TNRC18: variants seen among roughly 807,000 people sequenced by gnomAD.
TNRC18 encodes the protein trinucleotide repeat containing 18.
Under a neutral mutation model 226.7 loss-of-function variants are expected in TNRC18, and 69 were observed. The ratio of observed to expected loss-of-function variants is 0.30; its 90% CI spans 0.25 to 0.37. The LOEUF is 0.37. Ranked by LOEUF, TNRC18 falls within the 10% of genes least tolerant of loss-of-function variation. TNRC18 has a pLI of 1.00. For synonymous variants in TNRC18, 2,449 were observed against 1,927.6 expected (o/e 1.27, Z -7.09); for missense variants, 4,754 against 4,256.6 (o/e 1.12, Z -3.25).
In TNRC18 at chr7:5,309,406, C is replaced by A. The variant is rs1356746455; in HGVS notation, c.8389-38G>T. ...GTGTGTCACGGCACAGGCCCTGGCC[C>A]AGCCCCAAGGAGCCCGCCGCCTGGC... On this transcript the variant is annotated intron_variant, in intron 27 of 29. Coordinates refer to ENST00000430969, the MANE Select transcript of TNRC18 (RefSeq NM_001080495.3). This position sits in a 1 kb window ranked among gnomAD's most constrained non-coding sequence, Gnocchi z 5.7. 1 of 1,559,848 alleles carries A rather than the reference C, an allele frequency of 6.4e-7. No individual in the cohort carries two copies. Among genetic ancestry groups the A allele is most frequent in the Non-Finnish European group, 8.7e-7 (1 of 1,150,608 alleles).
intron 11 of TNRC18, among the ~76,000 whole-genome samples, chr7:5,369,106 G>C (rs1338426057): frequency 6.6e-6 from 1 of 152,158 alleles, no homozygotes; most frequent in Admixed American, 6.5e-5. Context: ...CCAGCACTTT[G>C]GGAGGCCAAG....
chr7:5,378,100 A>C, intron 5 of TNRC18, 76 bp from the exon 6 acceptor site: 1 of 1,246,034 alleles, frequency 8.0e-7, no homozygotes, highest in Non-Finnish European at 1.1e-6. Context: ...CACTGCCCTC[A>C]CCCCTCCCTG....
intron 2 of TNRC18, among the ~76,000 whole-genome samples, chr7:5,401,295 G>A (rs767429714): frequency 9.9e-5 from 15 of 152,084 alleles, no homozygotes; most frequent in Non-Finnish European, 1.8e-4. Flanking sequence ...CAAAGAACCA[G>A]AAGGCTTTGT....
At chr7:5,325,294 G>C in intron 19 of TNRC18, 46 bp from the exon 20 acceptor site, 1 of 1,535,124 alleles carries the variant, frequency 6.5e-7, no homozygotes. Flanking sequence ...GGCAGGGAAA[G>C]CACAGGCAGC....
intron 3 of TNRC18, among the ~76,000 whole-genome samples, chr7:5,391,457 G>A (rs1270269944): frequency 2.0e-5 from 3 of 151,680 alleles, no homozygotes; most frequent in East Asian, 1.9e-4. Flanking sequence ...GATTACAGGC[G>A]CCTGCTACCA....
chr7:5,357,680 G>A (rs756506096), intron 15 of TNRC18, among the ~76,000 whole-genome samples: 4 of 152,100 alleles, frequency 2.6e-5, no homozygotes, highest in Non-Finnish European at 4.4e-5. Flanking sequence ...GTAGAGCTGG[G>A]GTTTCATCAT....
At chr7:5,352,345 A>G (rs1327922905) in intron 16 of TNRC18, among the ~76,000 whole-genome samples, 1 of 150,874 alleles carries the variant, frequency 6.6e-6, no homozygotes, top group Non-Finnish European at 1.5e-5. Context: ...GGCCCTTCCT[A>G]GACTGGATGC....
intron 14 of TNRC18, among the ~76,000 whole-genome samples, chr7:5,360,999 T>G (rs1792982473): frequency 6.6e-6 from 1 of 152,056 alleles, no homozygotes; most frequent in Non-Finnish European, 1.5e-5. Context: ...TTTCCGATCG[T>G]GCTACAGACA....
intron 19 of TNRC18, chr7:5,330,038 C>G: frequency 4.3e-6 from 2 of 470,248 alleles, no homozygotes; most frequent in Middle Eastern, 3.3e-4. Context: ...CCCCACATCT[C>G]AGCATCCCAA....
intron 24 of TNRC18, among the ~76,000 whole-genome samples, chr7:5,316,274 C>CT (rs1278896095): frequency 0.54 from 46,182 of 85,740 alleles, 13,998 homozygotes; most frequent in East Asian, 0.71. Context: ...AGAAATGGGT[C>CT]TTTTTTTTTT....
chr7:5,348,289 C>G (rs148946408), intron 17 of TNRC18, among the ~76,000 whole-genome samples: 1 of 152,342 alleles, frequency 6.6e-6, no homozygotes, highest in Non-Finnish European at 1.5e-5. Context: ...GGGTGCCCAT[C>G]TGCCTCACGG....
At position 5,388,681 on chromosome 7, in the gene TNRC18, G is replaced by C; in HGVS notation, c.1143C>G (p.Phe381Leu). The C allele has an allele frequency of 7.9e-7, 1 of 1,266,220 alleles. No individual in the cohort carries two copies. The highest frequency in any genetic ancestry group is 3.6e-5 in the East Asian group (1 of 27,404). 78.4% of individuals were successfully genotyped at this position (1,266,220 alleles called of 1,614,324 possible). Residue 381 changes from phenylalanine to leucine, a missense_variant, in exon 5 of 30, where the codon TTC (phenylalanine) becomes TTG (leucine). Phe to Leu is a conservative substitution (Grantham distance 22). Transcript: ENST00000430969. ...TCTGGATGGGCCCCGGGCGCTCGTC[G>C]AAGGCCTCCACGGAAGGCACGAAGG... ...APTFVPSVEAFDERPGPIQIA... is the reference protein window; with the variant it reads ...APTFVPSVEALDERPGPIQIA...
chr7:5,345,460 T>G, intron 18 of TNRC18, 102 bp downstream of exon 18: 1 of 1,202,026 alleles, frequency 8.3e-7, no homozygotes, highest in Non-Finnish European at 1.1e-6. Flanking sequence ...TTCCCAGCTC[T>G]GCACCTGCAT....
At chr7:5,329,117 A>G (rs1302013663) in intron 19 of TNRC18, among the ~76,000 whole-genome samples, 1 of 152,024 alleles carries the variant, frequency 6.6e-6, no homozygotes, top group East Asian at 1.9e-4. Flanking sequence ...AGACTGGCCA[A>G]CATGGCGAAA....
intron 29 of TNRC18, 44 bp from the exon 30 acceptor site, chr7:5,308,356 G>A (rs1462460470): frequency 3.2e-6 from 5 of 1,557,980 alleles, no homozygotes; most frequent in African/African-American, 2.7e-5. Context: ...GGGGGGCACA[G>A]AGGCCGAGGG....
intron 10 of TNRC18, 102 bp downstream of exon 10, chr7:5,373,953 G>A (rs915718165): frequency 7.7e-5 from 72 of 939,390 alleles, no homozygotes; most frequent in Admixed American, 7.7e-5. Context: ...CTCCGTGGAG[G>A]TGGAATGAAC....
chr7:5,359,594 C>A, intron 14 of TNRC18, 25 bp from the exon 15 acceptor site: 1 of 1,612,434 alleles, frequency 6.2e-7, no homozygotes, highest in East Asian at 2.2e-5. Context: ...CACTGCCGGT[C>A]AGCACCCTGG....
At position 5,313,190 on chromosome 7, in the gene TNRC18, G is replaced by T; in HGVS notation, c.7701C>A (p.Ser2567Arg). 1 of 1,544,940 alleles carries T rather than the reference G, an allele frequency of 6.5e-7. No homozygotes were observed. Among genetic ancestry groups the T allele is most frequent in the Non-Finnish European group, 8.7e-7 (1 of 1,145,414 alleles). ...TGCTGCTGCTGCTGCTGCTGCTACT[G>T]CTGCCACTACTGCTGCTGCTGCTGC... is the stretch of plus-strand genomic sequence containing the variant. ...SESSSSSSSG[S>R]SSSSSSSSSS... is the part of the protein sequence containing the mutation. The change falls in exon 27 of 30, where the codon AGC becomes AGA. Residue 2567 changes from serine (S) to arginine (R), a missense_variant. Transcript: ENST00000430969.
At chr7:5,350,601 A>G (rs1791686745) in intron 17 of TNRC18, among the ~76,000 whole-genome samples, 1 of 152,196 alleles carries the variant, frequency 6.6e-6, no homozygotes, top group Non-Finnish European at 1.5e-5. Context: ...TTCGCCCTGA[A>G]GCAAATCCTA....
Sources: allele counts gnomAD v4.1 joint callset (sites outside exome capture counted in the v4.1 genomes callset), GRCh38; gene constraint gnomAD v4.1.1; non-coding constraint Gnocchi (gnomAD v3.1); transcripts MANE v1.5; gene names NCBI Gene and HGNC (gene_info 2026-07-23, HGNC 2026-07-21).